Variants in EPM2A observed in about 807,000 individuals in gnomAD.
EPM2A encodes the protein EPM2A glucan phosphatase, laforin, also known as laforin.
In EPM2A, 21 loss-of-function variants were observed where a neutral mutation model predicts 26.5. The observed-to-expected ratio is 0.79, with a 90% CI of 0.56 to 1.14. EPM2A has a LOEUF of 1.14. EPM2A is among the 50% of genes most tolerant of loss of function. The pLI is 0.00. For synonymous variants in EPM2A, 217 were observed against 177.6 expected (o/e 1.22, Z -1.76); for missense variants, 458 against 440.8 (o/e 1.04, Z -0.35).
intron 4 of EPM2A, among the ~76,000 whole-genome samples, chr6:145,470,109 G>C (rs1199157953): frequency 6.6e-6 from 1 of 151,996 alleles, no homozygotes; most frequent in South Asian, 2.1e-4. Context: ...TCTAATATTT[G>C]ATAGAACAAC....
intron 2 of EPM2A, among the ~76,000 whole-genome samples, chr6:145,508,383 G>C: frequency 6.6e-6 from 1 of 152,146 alleles, no homozygotes; most frequent in Middle Eastern, 3.2e-3. Flanking sequence ...ATCATCTACT[G>C]GCTGGAAGCC....
chr6:145,391,879 C>T (rs1343666262), intron 4 of EPM2A, among the ~76,000 whole-genome samples: 2 of 151,636 alleles, frequency 1.3e-5, no homozygotes, highest in Admixed American at 1.3e-4. Flanking sequence ...CCATCTGGAC[C>T]TTGGAAGAGA....
At chr6:145,520,712 C>T (rs1780191270) in intron 2 of EPM2A, among the ~76,000 whole-genome samples, 1 of 151,876 alleles carries the variant, frequency 6.6e-6, no homozygotes, top group South Asian at 2.1e-4. Context: ...GCTATGAACA[C>T]AATAAATAAG....
chr6:145,694,349 C>A lies in EPM2A; in HGVS notation c.302-8053G>T, dbSNP rs9386127. On this transcript the variant is annotated intron_variant, in intron 1 of 3. Coordinates refer to ENST00000367519, the MANE Select transcript of EPM2A (RefSeq NM_005670.4). ...GATATAGTCATTACAAACTCTTCGG[C>A]ACTTTGATGTTCTCTTCTAATGGCA... 4.6e-3 allele frequency among the ~76,000 whole-genome samples: 696 copies of A among 152,132 alleles called. 29 individuals are homozygous for A. The East Asian group carries it at 0.082, about 18-fold the overall frequency.
intron 2 of EPM2A, among the ~76,000 whole-genome samples, chr6:145,667,889 T>C (rs1306685004): frequency 6.6e-6 from 1 of 150,990 alleles, no homozygotes; most frequent in Non-Finnish European, 1.5e-5. Context: ...TTGGAAATCA[T>C]CATTCTCAGT....
intron 2 of EPM2A, among the ~76,000 whole-genome samples, chr6:145,592,078 G>A (rs1562395036): frequency 6.6e-6 from 1 of 151,770 alleles, no homozygotes; most frequent in Non-Finnish European, 1.5e-5. Flanking sequence ...TGTTACATAT[G>A]TATACATGTG....
At chr6:145,446,194 T>C (rs1256754231) in intron 4 of EPM2A, among the ~76,000 whole-genome samples, 2 of 152,176 alleles carry the variant, frequency 1.3e-5, no homozygotes, top group Non-Finnish European at 2.9e-5. Context: ...TAAAAGACCC[T>C]AAGTGAAACA....
chr6:145,505,742 T>C (rs1703081388), intron 2 of EPM2A, among the ~76,000 whole-genome samples: 1 of 152,186 alleles, frequency 6.6e-6, no homozygotes, highest in Admixed American at 6.6e-5. Flanking sequence ...ACCATATATG[T>C]CCCTGAAAGA....
At chr6:145,411,369 A>C (rs531860473) in intron 4 of EPM2A, among the ~76,000 whole-genome samples, 11 of 152,356 alleles carry the variant, frequency 7.2e-5, no homozygotes, top group Non-Finnish European at 7.3e-5. Flanking sequence ...GATTGATTTA[A>C]GAATGGAAAC....
chr6:145,656,233 T>C lies in EPM2A; in HGVS notation c.477-20747A>G, dbSNP rs539249757. ...CTAATCACATTTTGAATAAAGCATC[T>C]AAGAGAGAACACTTGAGTTCAACAG... On this transcript the variant is annotated intron_variant, in intron 2 of 3. Transcript: ENST00000367519. Among the ~76,000 whole-genome samples, 7 of 152,310 alleles carry C rather than the reference T, an allele frequency of 4.6e-5. No individual in the cohort carries two copies. In the South Asian group the frequency reaches 1.5e-3, roughly 32 times the overall value.
At chr6:145,711,474 A>G (rs1327354481) in intron 1 of EPM2A, among the ~76,000 whole-genome samples, 1 of 152,186 alleles carries the variant, frequency 6.6e-6, no homozygotes, top group East Asian at 1.9e-4. Context: ...TAGGACTCCC[A>G]GATGTAAAAG....
At chr6:145,644,242 T>TA (rs1466479157) in intron 2 of EPM2A, among the ~76,000 whole-genome samples, 3 of 152,194 alleles carry the variant, frequency 2.0e-5, no homozygotes, top group Non-Finnish European at 2.9e-5. Context: ...CTCATTATTG[T>TA]AAAAAATTCT....
chr6:145,417,371 G>A (rs558916691), intron 4 of EPM2A, among the ~76,000 whole-genome samples: 8 of 152,240 alleles, frequency 5.3e-5, no homozygotes, highest in Admixed American at 4.6e-4. Context: ...TAGATGCCTT[G>A]ACCCATTAGC....
chr6:145,644,336 T>A (rs769402521), intron 2 of EPM2A, among the ~76,000 whole-genome samples: 10 of 152,332 alleles, frequency 6.6e-5, no homozygotes, highest in Non-Finnish European at 1.0e-4. Flanking sequence ...CAAATGGTTG[T>A]GTTTACAGAA....
chr6:145,441,902 G>T (rs1160627991), intron 4 of EPM2A, among the ~76,000 whole-genome samples: 1 of 151,886 alleles, frequency 6.6e-6, no homozygotes, highest in Admixed American at 6.6e-5. Flanking sequence ...AAAACTGAAT[G>T]CCTTTAACAT....
intron 1 of EPM2A, among the ~76,000 whole-genome samples, chr6:145,730,619 A>G (rs1295656465): frequency 6.6e-6 from 1 of 152,204 alleles, no homozygotes; most frequent in Admixed American, 6.5e-5. Context: ...GCAAGTGAGG[A>G]GAGAGAGGCT....
At chr6:145,549,788 G>C (rs1780629651) in intron 2 of EPM2A, among the ~76,000 whole-genome samples, 1 of 152,136 alleles carries the variant, frequency 6.6e-6, no homozygotes, top group South Asian at 2.1e-4. Context: ...CAAAACAAGA[G>C]AGTGTGTATG....
chr6:145,450,373 GAAAC>G (rs1160903037), intron 4 of EPM2A, among the ~76,000 whole-genome samples: 1 of 120,886 alleles, frequency 8.3e-6, no homozygotes, highest in Non-Finnish European at 1.8e-5. Flanking sequence ...AAAAAAAAAA[GAAAC>G]TGAAACCATT....
chr6:145,385,855 A>G (rs1389302464), intron 4 of EPM2A, among the ~76,000 whole-genome samples: 3 of 151,620 alleles, frequency 2.0e-5, no homozygotes, highest in Non-Finnish European at 4.4e-5. Context: ...AATGTTTGTT[A>G]TCTATCAATT....
Sources: allele counts gnomAD v4.1 joint callset (sites outside exome capture counted in the v4.1 genomes callset), GRCh38; gene constraint gnomAD v4.1.1; transcripts MANE v1.5; gene names NCBI Gene and HGNC (gene_info 2026-07-23, HGNC 2026-07-21).